The following SCARB1 variants were observed in gnomAD, a reference collection of about 807,000 sequenced individuals.
The protein encoded by SCARB1 is scavenger receptor class B member 1.
In SCARB1, 30 loss-of-function variants were observed where a neutral mutation model predicts 57.2. That is an observed-to-expected ratio of 0.52 (90% CI 0.39 to 0.71). The LOEUF is 0.71. SCARB1 is among the 30% of genes least tolerant of loss of function. The pLI, the probability that SCARB1 is intolerant of heterozygous loss-of-function variation, is 0.00. For synonymous variants in SCARB1, 249 were observed against 268.3 expected (o/e 0.93, Z 0.70); for missense variants, 543 against 671.2 (o/e 0.81, Z 2.11).
chr12:124,812,970 A>G lies in SCARB1; in HGVS notation c.631-1005T>C, dbSNP rs569867726. Among the ~76,000 whole-genome samples the G allele has an allele frequency of 3.3e-5, 5 of 152,290 alleles. No individual in the cohort carries two copies. Among genetic ancestry groups the G allele is most frequent in the African/African-American group, 1.2e-4 (5 of 41,560 alleles). ...AGTCTTTATTTTCATTATTATTGTT[A>G]TTATTAATAAATGCTCACCCAATAG... is the stretch of plus-strand genomic sequence containing the variant. On this transcript the variant is annotated intron_variant, in intron 4 of 12. Transcript: ENST00000261693. The surrounding 1 kb of genome is among the most constrained non-coding windows in gnomAD (Gnocchi z 4.3).
Position 124,817,799 on chromosome 12 carries a change from C to G in SCARB1, c.127-92G>C. 3 of 1,406,294 alleles carry G rather than the reference C, an allele frequency of 2.1e-6. No homozygotes were observed. Among genetic ancestry groups the G allele is most frequent in the Non-Finnish European group, 2.0e-6 (2 of 992,186 alleles). The allele number at this position is 1,406,294 out of a possible 1,614,324, so 87.1% of individuals were successfully genotyped here. A position where few individuals can be genotyped will look rare whatever the true frequency, so the allele number is the denominator to read the frequency against. On this transcript the variant is annotated intron_variant, in intron 1 of 12. Coordinates refer to ENST00000261693, the MANE Select transcript of SCARB1 (RefSeq NM_005505.5). This position sits in a 1 kb window ranked among gnomAD's most constrained non-coding sequence, Gnocchi z 4.8. ...TCCGGAACAGCTGCCCGAGCCCGGCCAGGGAAGGGGCTCCTCGGCGGGAGC... is the reference window on the plus strand; with the variant it reads ...TCCGGAACAGCTGCCCGAGCCCGGCGAGGGAAGGGGCTCCTCGGCGGGAGC...
At chr12:124,821,246 ACACACACACACACGCACACACACGCG>A in intron 1 of SCARB1, 1 of 293,364 alleles carries the variant, frequency 3.4e-6, no homozygotes, top group Non-Finnish European at 5.1e-6. Flanking sequence ...TCACACACAC[ACACACACACACACGCACACACACGCG>A]CACACACACA....
rs1166271061 is a variant in SCARB1 at position 124,817,691 on chromosome 12, G to T, written c.143C>A (p.Pro48His). The change falls in exon 2 of 13, where the codon CCC (proline) becomes CAC (histidine). Residue 48 changes from proline to histidine, a missense_variant. Transcript: ENST00000261693. This position sits in a 1 kb window ranked among gnomAD's most constrained non-coding sequence, Gnocchi z 4.8. ...CCACATGTTGAAGGACAGGCTACTG[G>T]GGTCGATGCGCACGTTCTGCAGGGG... is the stretch of plus-strand genomic sequence containing the variant. ...QQVLKNVRID[P>H]SSLSFNMWKE... The T allele has an allele frequency of 6.2e-7, 1 of 1,614,228 alleles. No homozygotes were observed. Among genetic ancestry groups the T allele is most frequent in the Non-Finnish European group, 8.5e-7 (1 of 1,180,028 alleles).
At chr12:124,829,713 T>C (rs1951310921) in intron 1 of SCARB1, among the ~76,000 whole-genome samples, 1 of 152,230 alleles carries the variant, frequency 6.6e-6, no homozygotes, top group Non-Finnish European at 1.5e-5. Flanking sequence ...AGTCACTTTC[T>C]CCGTGAGACC....
In SCARB1 at chr12:124,817,489, G is replaced by C. The variant is rs1950787443; in HGVS notation, c.284+61C>G. On this transcript the variant is annotated intron_variant, in intron 2 of 12. Transcript: ENST00000261693. The surrounding 1 kb of genome is among the most constrained non-coding windows in gnomAD (Gnocchi z 4.8). The stretch of plus-strand genomic sequence containing the variant: ...GCAGCCTCCCCATCCCGTCCACTCT[G>C]AGACCCCTCCCCTGCCCAGCCTCAG... 3 of 1,566,604 alleles carry C rather than the reference G, an allele frequency of 1.9e-6. No homozygotes were observed. The highest frequency in any genetic ancestry group is 1.7e-6 in the Non-Finnish European group (2 of 1,147,140).
chr12:124,800,922 C>T lies in SCARB1; in HGVS notation c.1010-680G>A, dbSNP rs1031162612. ...CGAGCGGGCCTCTCTCAAAAGCTCA[C>T]GAGGGCCAGGCGCCATGGCTTACAC... On this transcript the variant is annotated intron_variant, in intron 7 of 12. Transcript: ENST00000261693. The surrounding 1 kb of genome is among the most constrained non-coding windows in gnomAD (Gnocchi z 4.8). Among the ~76,000 whole-genome samples the T allele has an allele frequency of 9.8e-5, 15 of 152,302 alleles. 1 individual carries two copies. In the South Asian group the frequency reaches 2.5e-3, roughly 25 times the overall value.
chr12:124,818,902 G>C (rs1950838528), intron 1 of SCARB1, among the ~76,000 whole-genome samples: 2 of 152,226 alleles, frequency 1.3e-5, no homozygotes, highest in South Asian at 4.1e-4. Flanking sequence ...TGATCCGTCT[G>C]CCTTGGCCTC....
chr12:124,817,549 C>T lies in SCARB1; in HGVS notation c.284+1G>A. On this transcript the variant is annotated splice_donor_variant, in intron 2 of 12. Transcript: ENST00000261693. LOFTEE classifies it high-confidence loss of function. The surrounding 1 kb of genome is among the most constrained non-coding windows in gnomAD (Gnocchi z 4.8). ...CCACCCTCACCTGGACACAGCCTCA[C>T]CTGTACACGTAGGGCCCGCGCTCCC... The T allele has an allele frequency of 1.9e-6, 3 of 1,613,808 alleles. No homozygotes were observed. The highest frequency in any genetic ancestry group is 2.5e-6 in the Non-Finnish European group (3 of 1,180,004).
chr12:124,857,286 T>C (rs1300907504), intron 1 of SCARB1, among the ~76,000 whole-genome samples: 1 of 152,226 alleles, frequency 6.6e-6, no homozygotes, highest in Non-Finnish European at 1.5e-5. Context: ...TTTTAGATAC[T>C]AAAATGAATA....
In SCARB1 at chr12:124,810,828, T is replaced by C. The variant is rs562554976; in HGVS notation, c.727-539A>G. The stretch of plus-strand genomic sequence containing the variant: ...GGATGTTTAAAATCACGTGCACATG[T>C]ACAGTATATTGGAATATACAAGCCA... On this transcript the variant is annotated intron_variant, in intron 5 of 12. Transcript: ENST00000261693. This position sits in a 1 kb window ranked among gnomAD's most constrained non-coding sequence, Gnocchi z 4.0. Among the ~76,000 whole-genome samples, 1 of 152,330 alleles carries C rather than the reference T, an allele frequency of 6.6e-6. No individual in the cohort carries two copies. The highest frequency in any genetic ancestry group is 1.5e-5 in the Non-Finnish European group (1 of 68,032).
chr12:124,823,836 A>G (rs376760304), intron 1 of SCARB1, among the ~76,000 whole-genome samples: 3 of 152,148 alleles, frequency 2.0e-5, no homozygotes, highest in Admixed American at 6.5e-5. Flanking sequence ...CGTAAAAAAG[A>G]AATGTATTTA....
chr12:124,817,793 C>G lies in SCARB1; in HGVS notation c.127-86G>C. ...CAAGGCTCCGGAACAGCTGCCCGAG[C>G]CCGGCCAGGGAAGGGGCTCCTCGGC... On this transcript the variant is annotated intron_variant, in intron 1 of 12. Coordinates refer to ENST00000261693, the MANE Select transcript of SCARB1 (RefSeq NM_005505.5). The surrounding 1 kb of genome is among the most constrained non-coding windows in gnomAD (Gnocchi z 4.8). 2 of 1,472,902 alleles carry G rather than the reference C, an allele frequency of 1.4e-6. No homozygotes were observed. The highest frequency in any genetic ancestry group is 1.9e-6 in the Non-Finnish European group (2 of 1,052,524). 91.2% of individuals were successfully genotyped at this position (1,472,902 alleles called of 1,614,324 possible). A position where few individuals can be genotyped will look rare whatever the true frequency, so the allele number is the denominator to read the frequency against.
rs372586426 is a variant in SCARB1, at chr12:124,815,057, G to T, written c.342C>A (p.Leu114=). The part of the protein sequence containing the change: ...TFNNNDTVSF[L]EYRTFQFQPS... ...GCTGGAACTGGAAGGTGCGGTACTCGAGGAAGGACACGGTGTCGTTGTTGT... is the reference window on the plus strand; with the variant it reads ...GCTGGAACTGGAAGGTGCGGTACTCTAGGAAGGACACGGTGTCGTTGTTGT... The change falls in exon 3 of 13, where the codon CTC becomes CTA. Residue 114 remains leucine (L), a synonymous_variant. Coordinates refer to ENST00000261693, the MANE Select transcript of SCARB1 (RefSeq NM_005505.5). 2 of 1,614,184 alleles carry T rather than the reference G, an allele frequency of 1.2e-6. No homozygotes were observed. Among genetic ancestry groups the T allele is most frequent in the Non-Finnish European group, 8.5e-7 (1 of 1,180,032 alleles).
In SCARB1 at chr12:124,786,020, C is replaced by T; in HGVS notation, c.1401+337G>A. On this transcript the variant is annotated intron_variant, in intron 11 of 12. Transcript: ENST00000261693. ...CTGTCTCCTCTACTGCTGTACGTCC[C>T]CTCGCCCCTAACAGAACCTGGCATC... The T allele has an allele frequency of 4.1e-6, 6 of 1,480,448 alleles. No homozygotes were observed. In the South Asian group the frequency reaches 5.3e-5, roughly 13 times the overall value. 91.7% of individuals were successfully genotyped at this position (1,480,448 alleles called of 1,614,324 possible). A position where few individuals can be genotyped will look rare whatever the true frequency, so the allele number is the denominator to read the frequency against.
chr12:124,844,415 T>C (rs943627950), intron 1 of SCARB1, among the ~76,000 whole-genome samples: 5 of 152,310 alleles, frequency 3.3e-5, no homozygotes, highest in African/African-American at 7.2e-5. Context: ...TAGGAAGGCA[T>C]GGTTTTAGCC....
intron 1 of SCARB1, among the ~76,000 whole-genome samples, chr12:124,841,125 A>G (rs1187291902): frequency 6.6e-6 from 1 of 152,116 alleles, no homozygotes; most frequent in Non-Finnish European, 1.5e-5. Context: ...TAATCCCAGC[A>G]CTTTGGGAGG....
rs376001858 is a variant in SCARB1, at chr12:124,787,465, T to C, written c.1203-8A>G. The C allele has an allele frequency of 1.1e-4, 176 of 1,612,858 alleles. No individual in the cohort carries two copies. The highest frequency in any genetic ancestry group is 1.4e-4 in the Non-Finnish European group (163 of 1,179,396). On this transcript the variant is annotated splice_region_variant and splice_polypyrimidine_tract_variant and intron_variant, in intron 9 of 12. Transcript: ENST00000261693. The stretch of plus-strand genomic sequence containing the variant: ...TCAATCTTCCCAGTTTGTCTGGAAA[T>C]AAGCAAGACATAGCTGTGTGAAACA...
chr12:124,799,790 C>G (rs552377232), intron 8 of SCARB1, among the ~76,000 whole-genome samples: 5 of 152,332 alleles, frequency 3.3e-5, no homozygotes, highest in African/African-American at 9.6e-5. Context: ...ATACCCCAGG[C>G]TCTTCTTGGT....
At chr12:124,831,788 T>TA (rs1951404163) in intron 1 of SCARB1, among the ~76,000 whole-genome samples, 1 of 152,222 alleles carries the variant, frequency 6.6e-6, no homozygotes, top group Non-Finnish European at 1.5e-5. Context: ...CATGTTGACA[T>TA]AATGTGCTGG....
Sources: gnomAD v4.1 joint callset for allele counts (sites outside exome capture counted in the v4.1 genomes callset) on GRCh38, gnomAD v4.1.1 for gene constraint, Gnocchi (gnomAD v3.1) non-coding constraint, MANE v1.5 for transcripts, NCBI Gene and HGNC (gene_info 2026-07-23, HGNC 2026-07-21) for gene names.